The following DIP2C variants were observed in gnomAD, a reference collection of about 807,000 sequenced individuals.
The protein encoded by DIP2C is DIP2 acetate--CoA ligase C (putative), also known as disco-interacting protein 2 homolog C.
A neutral mutation model predicts 192.4 loss-of-function variants in DIP2C; 33 were observed. The observed-to-expected ratio is 0.17, with a 90% CI of 0.13 to 0.23. DIP2C has a LOEUF of 0.23. Among genes scored for constraint, DIP2C ranks in the 10% least tolerant of loss-of-function variants. The pLI, the probability that DIP2C is intolerant of heterozygous loss-of-function variation, is 1.00. For missense variants in DIP2C, 1,537 were observed against 2,110.1 expected, an observed-to-expected ratio of 0.73 and a Z score of 5.32; for synonymous variants, 979 against 864.1, an observed-to-expected ratio of 1.13 and a Z score of -2.33.
chr10:658,090 A>ACGC (rs1856505862), intron 1 of DIP2C, among the ~76,000 whole-genome samples: 1 of 127,312 alleles, frequency 7.9e-6, no homozygotes, highest in Non-Finnish European at 1.6e-5. Flanking sequence ...ACTGGACCTG[A>ACGC]TGCTGGACCT....
intron 15 of DIP2C, 46 bp from the exon 16 acceptor site, chr10:384,192 C>G: frequency 6.3e-7 from 1 of 1,595,856 alleles, no homozygotes; most frequent in Non-Finnish European, 8.5e-7. Context: ...ACCGTCAGAT[C>G]GTCCCCTATT....
At position 363,341 on chromosome 10, in the gene DIP2C, G is replaced by C; in HGVS notation, c.2478-30C>G. On this transcript the variant is annotated intron_variant, in intron 20 of 36. Coordinates refer to ENST00000280886, the MANE Select transcript of DIP2C (RefSeq NM_014974.3). The surrounding 1 kb of genome is among the most constrained non-coding windows in gnomAD (Gnocchi z 5.4). ...GGGGACACAGGAGCATGGTGAGCAC[G>C]CGCCGGGGACGCTCATGCAGCCCTC... The C allele has an allele frequency of 6.3e-7, 1 of 1,595,528 alleles. No homozygotes were observed. The highest frequency in any genetic ancestry group is 8.5e-7 in the Non-Finnish European group (1 of 1,169,846).
chr10:445,199 G>C (rs1249759136), intron 3 of DIP2C, among the ~76,000 whole-genome samples: 1 of 152,218 alleles, frequency 6.6e-6, no homozygotes, highest in Non-Finnish European at 1.5e-5. Flanking sequence ...CTGTTGTGAA[G>C]AGTCTATCTT....
chr10:585,850 A>C (rs1047141938), intron 1 of DIP2C, among the ~76,000 whole-genome samples: 3 of 152,216 alleles, frequency 2.0e-5, no homozygotes, highest in Non-Finnish European at 2.9e-5. Context: ...CAGGCCATTC[A>C]AGACTGAATT....
chr10:652,557 G>C lies in DIP2C; in HGVS notation c.85+36937C>G, dbSNP rs749368267. The C allele has an allele frequency of 1.3e-5, 2 of 153,772 alleles. No individual in the cohort carries two copies. Among genetic ancestry groups the C allele is most frequent in the Non-Finnish European group, 2.9e-5 (2 of 69,002 alleles). 9.5% of individuals were successfully genotyped at this position (153,772 alleles called of 1,614,324 possible). On this transcript the variant is annotated intron_variant, in intron 1 of 36. Transcript: ENST00000280886. The surrounding 1 kb of genome is among the most constrained non-coding windows in gnomAD (Gnocchi z 4.5). The stretch of plus-strand genomic sequence containing the variant: ...GAGAAACGGAGCTGCAGTGGGAGGC[G>C]GGACATGCTGGGATCTACCCATGGC...
At chr10:591,717 A>C (rs1306573099) in intron 1 of DIP2C, among the ~76,000 whole-genome samples, 3 of 152,198 alleles carry the variant, frequency 2.0e-5, no homozygotes, top group Non-Finnish European at 4.4e-5. Context: ...TGAAGGCAGG[A>C]ACCACCAAGG....
At chr10:592,615 T>C (rs775949926) in intron 1 of DIP2C, among the ~76,000 whole-genome samples, 2 of 152,166 alleles carry the variant, frequency 1.3e-5, no homozygotes, top group Non-Finnish European at 2.9e-5. Context: ...ATTCCTGGGA[T>C]TCAGAAACTA....
chr10:485,587 A>G (rs1247704060), intron 2 of DIP2C, among the ~76,000 whole-genome samples: 1 of 152,232 alleles, frequency 6.6e-6, no homozygotes, highest in African/African-American at 2.4e-5. Flanking sequence ...CCTGAGCCTC[A>G]GGAAACTTTC....
intron 1 of DIP2C, among the ~76,000 whole-genome samples, chr10:510,636 T>C (rs986211689): frequency 1.3e-5 from 2 of 152,208 alleles, no homozygotes; most frequent in Admixed American, 1.3e-4. Context: ...GGGGATAAGC[T>C]GAACAAAACT....
intron 3 of DIP2C, among the ~76,000 whole-genome samples, chr10:447,944 G>A (rs1315829704): frequency 8.2e-6 from 1 of 121,870 alleles, no homozygotes; most frequent in Admixed American, 7.7e-5. Flanking sequence ...ATCACACACA[G>A]TGGGGCAGCA....
intron 1 of DIP2C, among the ~76,000 whole-genome samples, chr10:599,446 C>G (rs1851917969): frequency 6.6e-6 from 1 of 152,214 alleles, no homozygotes; most frequent in Non-Finnish European, 1.5e-5. Flanking sequence ...TGAACCCTTA[C>G]TAGACCAAGA....
In DIP2C at chr10:283,253, C is replaced by T. The variant is rs574026213; in HGVS notation, c.4294+19G>A. On this transcript the variant is annotated intron_variant, in intron 35 of 36. Coordinates refer to ENST00000280886, the MANE Select transcript of DIP2C (RefSeq NM_014974.3). ...CTCTGCCCATCTGTTGGGGGGGGGC[C>T]GCCAGCCTGGACTCTCACCTCCATT... 120 of 1,516,780 alleles carry T rather than the reference C, an allele frequency of 7.9e-5. 1 individual carries two copies. In the African/African-American group the frequency reaches 1.3e-3, roughly 16 times the overall value. 94.0% of individuals were successfully genotyped at this position (1,516,780 alleles called of 1,614,324 possible).
At chr10:664,614 A>G (rs541907342) in intron 1 of DIP2C, 1 of 152,368 alleles carries the variant, frequency 6.6e-6, no homozygotes, top group South Asian at 2.1e-4. Flanking sequence ...TTACAATGCT[A>G]CAGAGAAATC....
At chr10:516,021 G>A (rs1846327065) in intron 1 of DIP2C, among the ~76,000 whole-genome samples, 1 of 151,454 alleles carries the variant, frequency 6.6e-6, no homozygotes, top group Non-Finnish European at 1.5e-5. Context: ...TCGGGGTGAA[G>A]GGGCTTCCCC....
At chr10:338,672 C>T (rs923105918) in intron 29 of DIP2C, among the ~76,000 whole-genome samples, 7 of 152,166 alleles carry the variant, frequency 4.6e-5, no homozygotes, top group African/African-American at 1.4e-4. Flanking sequence ...AACGCCTGGC[C>T]GCACTGATTT....
At chr10:474,889 C>T (rs1970939654) in intron 2 of DIP2C, among the ~76,000 whole-genome samples, 1 of 152,108 alleles carries the variant, frequency 6.6e-6, no homozygotes, top group Non-Finnish European at 1.5e-5. Flanking sequence ...TATTCATTCC[C>T]ACTGGAGGAG....
At chr10:650,353 G>C (rs546369681) in intron 1 of DIP2C, 1 of 717,314 alleles carries the variant, frequency 1.4e-6, no homozygotes, top group Non-Finnish European at 2.6e-6. Context: ...GCAAGCCCCA[G>C]ACCGGGGCTG....
chr10:591,903 A>G (rs1241338432), intron 1 of DIP2C, among the ~76,000 whole-genome samples: 2 of 152,234 alleles, frequency 1.3e-5, no homozygotes, highest in Non-Finnish European at 2.9e-5. Flanking sequence ...GGCGACCAGG[A>G]AATCACATTC....
At chr10:595,546 G>A (rs1588551662) in intron 1 of DIP2C, among the ~76,000 whole-genome samples, 1 of 152,118 alleles carries the variant, frequency 6.6e-6, no homozygotes, top group Admixed American at 6.6e-5. Flanking sequence ...CAAGAGAACT[G>A]AAAGAATGAA....
Sources: gnomAD v4.1 joint callset for allele counts (sites outside exome capture counted in the v4.1 genomes callset) on GRCh38, gnomAD v4.1.1 for gene constraint, Gnocchi (gnomAD v3.1) non-coding constraint, MANE v1.5 for transcripts, NCBI Gene and HGNC (gene_info 2026-07-23, HGNC 2026-07-21) for gene names.